The following RIPOR1 variants were observed in gnomAD, a reference collection of about 807,000 sequenced individuals.
RIPOR1 encodes the protein RHO family interacting cell polarization regulator 1.
A neutral mutation model predicts 116.5 loss-of-function variants in RIPOR1; 58 were observed. The observed-to-expected ratio is 0.50, with a 90% CI of 0.40 to 0.62. The LOEUF is 0.62. Among genes scored for constraint, RIPOR1 ranks in the 20% least tolerant of loss-of-function variants. The pLI is 0.00. For missense variants in RIPOR1, 1,372 were observed against 1,586.2 expected, an observed-to-expected ratio of 0.86 and a Z score of 2.29; for synonymous variants, 605 against 650.0, an observed-to-expected ratio of 0.93 and a Z score of 1.05.
Position 67,537,683 on chromosome 16 carries a change from G to A in RIPOR1, c.-23-741G>A. 1.0e-6 allele frequency: 1 copy of A among 956,464 alleles called. No homozygotes were observed. The highest frequency in any genetic ancestry group is 1.4e-6 in the Non-Finnish European group (1 of 717,772). 59.2% of individuals were successfully genotyped at this position (956,464 alleles called of 1,614,324 possible). ...TTTGGGGGCCAGGAGTGTGTGTTTC[G>A]CCGAAGCGGGGTGGGGGTCTGCCGA... On this transcript the variant is annotated intron_variant, in intron 1 of 21. Transcript: ENST00000042381. The surrounding 1 kb of genome is among the most constrained non-coding windows in gnomAD (Gnocchi z 4.6).
intron 1 of RIPOR1, among the ~76,000 whole-genome samples, chr16:67,534,139 AT>A (rs555946630): frequency 0.04 from 5,577 of 139,720 alleles, 342 homozygotes; most frequent in African/African-American, 0.13. Context: ...CTTTTTTGTA[AT>A]TTTTTTTTTT....
At position 67,543,718 on chromosome 16, in the gene RIPOR1, G is replaced by A; in HGVS notation, c.2600+249G>A. ...GCTTCTGACCGCCCTCTTCATCTCT[G>A]CAATGTCTGCCTCCCCTGCCGGTCC... On this transcript the variant is annotated intron_variant, in intron 14 of 21. Transcript: ENST00000042381. This position sits in a 1 kb window ranked among gnomAD's most constrained non-coding sequence, Gnocchi z 4.7. The A allele has an allele frequency of 1.8e-6, 1 of 560,274 alleles. No homozygotes were observed. Among genetic ancestry groups the A allele is most frequent in the Non-Finnish European group, 3.2e-6 (1 of 314,298 alleles). 34.7% of individuals were successfully genotyped at this position (560,274 alleles called of 1,614,324 possible).
intron 1 of RIPOR1, among the ~76,000 whole-genome samples, chr16:67,536,741 T>C (rs2050804346): frequency 6.6e-6 from 1 of 152,104 alleles, no homozygotes; most frequent in Non-Finnish European, 1.5e-5. Context: ...GGATCTAGCC[T>C]CACACTTTCA....
chr16:67,541,220 T>G lies in RIPOR1; in HGVS notation c.802-210T>G. The G allele has an allele frequency of 1.8e-6, 1 of 561,940 alleles. No individual in the cohort carries two copies. Among genetic ancestry groups the G allele is most frequent in the Non-Finnish European group, 3.1e-6 (1 of 321,710 alleles). The allele number at this position is 561,940 out of a possible 1,614,324, so 34.8% of individuals were successfully genotyped here. ...AGCTGGGACTACAGGTGCACCACCATGCCTGGCTAAAAATTTTTTTTTTTT... is the reference window on the plus strand; with the variant it reads ...AGCTGGGACTACAGGTGCACCACCAGGCCTGGCTAAAAATTTTTTTTTTTT... On this transcript the variant is annotated intron_variant, in intron 10 of 21. Coordinates refer to ENST00000042381, the MANE Select transcript of RIPOR1 (RefSeq NM_024519.4). The surrounding 1 kb of genome is among the most constrained non-coding windows in gnomAD (Gnocchi z 4.6).
Position 67,543,009 on chromosome 16 carries a change from C to T in RIPOR1, c.2223C>T (p.Ala741=). ...HSSRKPLTSP[A]PDPSESTVQS... ...GTAGGAAACCCCTCACAAGCCCTGC[C>T]CCAGATCCCTCAGAGTCTACGGTTC... The change falls in exon 13 of 22, where the codon GCC becomes GCT. Residue 741 remains alanine, a synonymous_variant. Transcript: ENST00000042381. The surrounding 1 kb of genome is among the most constrained non-coding windows in gnomAD (Gnocchi z 4.7). 1 of 1,561,472 alleles carries T rather than the reference C, an allele frequency of 6.4e-7. No homozygotes were observed. The highest frequency in any genetic ancestry group is 8.7e-7 in the Non-Finnish European group (1 of 1,155,068).
chr16:67,535,018 T>C (rs576334541), intron 1 of RIPOR1, among the ~76,000 whole-genome samples: 86 of 152,120 alleles, frequency 5.7e-4, no homozygotes, highest in African/African-American at 1.8e-3. Context: ...AATTTTTGTA[T>C]TTTTAGCAGA....
Position 67,538,545 on chromosome 16 carries a change from G to T in RIPOR1, c.99G>T (p.Gly33=), listed in dbSNP as rs775670775. The change falls in exon 2 of 22, where the codon GGG becomes GGT. Residue 33 remains glycine (G), a synonymous_variant. Transcript: ENST00000042381. ...FAGVLGSHER[G]PRSFPVFSPP... ...GCGTCCTCGGCAGCCACGAGCGGGG[G>T]CCCAGGTACGCGGCCGCGCAGGGTT... 1.9e-6 allele frequency: 3 copies of T among 1,611,922 alleles called. No individual in the cohort carries two copies. Among genetic ancestry groups the T allele is most frequent in the Admixed American group, 1.7e-5 (1 of 59,934 alleles).
At chr16:67,536,066 G>C (rs577642870) in intron 1 of RIPOR1, among the ~76,000 whole-genome samples, 1 of 152,288 alleles carries the variant, frequency 6.6e-6, no homozygotes, top group African/African-American at 2.4e-5. Flanking sequence ...AGTGTTTATG[G>C]GATGGGGGAG....
intron 1 of RIPOR1, among the ~76,000 whole-genome samples, chr16:67,523,673 C>A (rs188558456): frequency 2.0e-5 from 3 of 149,066 alleles, no homozygotes; most frequent in Admixed American, 1.3e-4. Context: ...TCTGAAAAAA[C>A]TACCCTTAAA....
chr16:67,543,735 T>C lies in RIPOR1; in HGVS notation c.2600+266T>C, dbSNP rs766626676. On this transcript the variant is annotated intron_variant, in intron 14 of 21. Coordinates refer to ENST00000042381, the MANE Select transcript of RIPOR1 (RefSeq NM_024519.4). The surrounding 1 kb of genome is among the most constrained non-coding windows in gnomAD (Gnocchi z 4.7). ...TCATCTCTGCAATGTCTGCCTCCCC[T>C]GCCGGTCCCCATCAGCTTGGGTGCC... 1.0e-4 allele frequency: 52 copies of C among 521,160 alleles called. No homozygotes were observed. Among genetic ancestry groups the C allele is most frequent in the Non-Finnish European group, 1.7e-4 (48 of 288,718 alleles). The allele number at this position is 521,160 out of a possible 1,614,324, so 32.3% of individuals were successfully genotyped here.
chr16:67,538,868 C>T, intron 3 of RIPOR1, 44 bp downstream of exon 3: 1 of 1,611,050 alleles, frequency 6.2e-7, no homozygotes. Context: ...GGATCCCTCC[C>T]CAAGCCCGCA....
chr16:67,540,651 G>A lies in RIPOR1; in HGVS notation c.748G>A (p.Asp250Asn). ...RIEGSGKQVWDSEETIFLPLL... is the reference protein window; with the variant it reads ...RIEGSGKQVWNSEETIFLPLL... ...TGAGGGTAGTGGAAAGCAGGTGTGG[G>A]ACAGTGAAGAAACCATCTTTCTCCC... is the stretch of plus-strand genomic sequence containing the variant. Residue 250 changes from aspartate to asparagine, a missense_variant, in exon 10 of 22, where the codon GAC becomes AAC. Asp to Asn is a conservative substitution (Grantham distance 23). Coordinates refer to ENST00000042381, the MANE Select transcript of RIPOR1 (RefSeq NM_024519.4). This position sits in a 1 kb window ranked among gnomAD's most constrained non-coding sequence, Gnocchi z 4.7. 1 of 1,613,262 alleles carries A rather than the reference G, an allele frequency of 6.2e-7. No individual in the cohort carries two copies. The highest frequency in any genetic ancestry group is 8.5e-7 in the Non-Finnish European group (1 of 1,179,540).
At position 67,541,068 on chromosome 16, in the gene RIPOR1, G is replaced by GTCTA. The variant is rs780318492; in HGVS notation, c.802-353_802-350dup. Among the ~76,000 whole-genome samples the GTCTA allele has an allele frequency of 6.6e-5, 10 of 151,888 alleles. No homozygotes were observed. Among genetic ancestry groups the GTCTA allele is most frequent in the African/African-American group, 2.4e-4 (10 of 41,298 alleles). On this transcript the variant is annotated intron_variant, in intron 10 of 21. Coordinates refer to ENST00000042381, the MANE Select transcript of RIPOR1 (RefSeq NM_024519.4). This position sits in a 1 kb window ranked among gnomAD's most constrained non-coding sequence, Gnocchi z 4.6. Reference sequence around the variant, plus strand: ...TGGCTCCATGAGCATGCATGTGTCTGTCTATCTATCTAGGAGTTGGCGGGT... The same window carrying GTCTA: ...TGGCTCCATGAGCATGCATGTGTCTGTCTATCTATCTATCTAGGAGTTGGCGGGT...
upstream of RIPOR1, among the ~76,000 whole-genome samples, chr16:67,525,263 G>A (rs1474100214): frequency 2.0e-5 from 3 of 152,188 alleles, no homozygotes; most frequent in African/African-American, 4.8e-5. Context: ...CTTGGGAGGT[G>A]CAGAGACTTG....
intron 1 of RIPOR1, among the ~76,000 whole-genome samples, chr16:67,532,914 A>G (rs2050697892): frequency 6.6e-6 from 1 of 152,212 alleles, no homozygotes; most frequent in Non-Finnish European, 1.5e-5. Flanking sequence ...TGGAGACAGG[A>G]GGTCCCTCAG....
In RIPOR1 at chr16:67,529,896, G is replaced by A. The variant is rs1209245417; in HGVS notation, c.-24+982G>A. The A allele has an allele frequency of 5.1e-6, 7 of 1,370,328 alleles. No individual in the cohort carries two copies. In the Admixed American group the frequency reaches 7.9e-5, roughly 15 times the overall value. 84.9% of individuals were successfully genotyped at this position (1,370,328 alleles called of 1,614,324 possible). ...TCTCAAGGTCACACAGCTGGTTTGG[G>A]AGAAGCGAGGATTAGATCTGAGTCC... On this transcript the variant is annotated intron_variant, in intron 1 of 21. Coordinates refer to ENST00000042381, the MANE Select transcript of RIPOR1 (RefSeq NM_024519.4). This position sits in a 1 kb window ranked among gnomAD's most constrained non-coding sequence, Gnocchi z 4.1.
Position 67,541,551 on chromosome 16 carries a change from T to C in RIPOR1, c.923T>C (p.Ile308Thr). Reference protein sequence around the residue: ...VAVDINDLGTIKLSLEVTWSP... With the variant: ...VAVDINDLGTTKLSLEVTWSP... The stretch of plus-strand genomic sequence containing the variant: ...GTGGATATCAATGACCTTGGTACCA[T>C]CAAGCTCAGCCTGGAAGTCACATGG... The change falls in exon 11 of 22, where the codon ATC (isoleucine) becomes ACC (threonine). Residue 308 changes from isoleucine (I) to threonine (T), a missense_variant. Around this residue, in one of 3 missense-constraint regions of RIPOR1, gnomAD observed 202 missense variants for 295.9 expected, o/e 0.68. Transcript: ENST00000042381. This position sits in a 1 kb window ranked among gnomAD's most constrained non-coding sequence, Gnocchi z 4.6. 1.2e-6 allele frequency: 2 copies of C among 1,614,068 alleles called. No homozygotes were observed. Among genetic ancestry groups the C allele is most frequent in the Non-Finnish European group, 1.7e-6 (2 of 1,179,974 alleles).
In RIPOR1 at chr16:67,545,933, TC is replaced by T. The variant is rs1335553224; in HGVS notation, c.3388-13del. ...TCCCACTGTCTGGCTAAGTCTGTCC[TC>T]CCACCCTTCCACAGGCCCTCCTGTG... On this transcript the variant is annotated splice_polypyrimidine_tract_variant and intron_variant, in intron 19 of 21. Transcript: ENST00000042381. This position sits in a 1 kb window ranked among gnomAD's most constrained non-coding sequence, Gnocchi z 4.8. 1.2e-6 allele frequency: 2 copies of T among 1,613,774 alleles called. No individual in the cohort carries two copies. The highest frequency in any genetic ancestry group is 1.7e-6 in the Non-Finnish European group (2 of 1,179,960).
Position 67,520,712 on chromosome 16 carries a change from AT to A in RIPOR1, c.-24+2100del, listed in dbSNP as rs199997771. Among the ~76,000 whole-genome samples, 1,127 of 152,158 alleles carry A rather than the reference AT, an allele frequency of 7.4e-3. 16 individuals carry two copies. Among genetic ancestry groups the A allele is most frequent in the African/African-American group, 0.026 (1,078 of 41,494 alleles). The stretch of plus-strand genomic sequence containing the variant: ...CTACTCAGGAGGCTGAGGCAGGAGA[AT>A]CGCTTAAACCTAGGAAGCAGAGGTG... On this transcript the variant is annotated intron_variant, in intron 1 of 1. Transcript: ENST00000562116.
Sources: allele counts gnomAD v4.1 joint callset (sites outside exome capture counted in the v4.1 genomes callset), GRCh38; gene constraint gnomAD v4.1.1; regional missense constraint gnomAD v4.1.1; non-coding constraint Gnocchi (gnomAD v3.1); transcripts MANE v1.5; gene names NCBI Gene and HGNC (gene_info 2026-07-23, HGNC 2026-07-21).